Variants in WDR7 observed in about 807,000 individuals in gnomAD.
WDR7 encodes the protein WD repeat domain 7.
WDR7 carries 46 observed loss-of-function variants against 169.4 expected under a neutral mutation model. The observed-to-expected ratio is 0.27, with a 90% CI of 0.21 to 0.35. The LOEUF is 0.35. Among genes scored for constraint, WDR7 ranks in the 10% least tolerant of loss-of-function variants. The pLI is 1.00. For missense variants in WDR7, 1,534 were observed against 1,859.3 expected (o/e 0.83, Z 3.22); for synonymous variants, 612 against 666.8 (o/e 0.92, Z 1.27).
At chr18:57,032,633 A>G (rs1256978420), downstream of WDR7, 2 of 151,858 alleles carry the variant, frequency 1.3e-5, no homozygotes, top group Non-Finnish European at 2.9e-5. Context: ...CGTGAATCCT[A>G]TTGTGAACTG....
intron 20 of WDR7, among the ~76,000 whole-genome samples, chr18:56,865,256 T>G (rs1403405938): frequency 6.6e-6 from 1 of 152,040 alleles, no homozygotes; most frequent in African/African-American, 2.4e-5. Context: ...CTGAAAGGCA[T>G]TTAGCACTCA....
intron 9 of WDR7, among the ~76,000 whole-genome samples, chr18:56,692,905 CA>C (rs113840473): frequency 0.043 from 6,250 of 145,100 alleles, 444 homozygotes; most frequent in African/African-American, 0.15. Flanking sequence ...CCCATCTCTA[CA>C]AAAAAAAAAA....
At chr18:56,994,905 T>A (rs1250976477) in intron 26 of WDR7, among the ~76,000 whole-genome samples, 1 of 152,336 alleles carries the variant, frequency 6.6e-6, no homozygotes, top group Non-Finnish European at 1.5e-5. Context: ...TTCTAGTAAT[T>A]TATTAATTCT....
chr18:56,858,614 G>A (rs2045757134), intron 20 of WDR7, among the ~76,000 whole-genome samples: 1 of 152,064 alleles, frequency 6.6e-6, no homozygotes, highest in African/African-American at 2.4e-5. Flanking sequence ...CACCGTGCTG[G>A]CCTACTTCAC....
At chr18:56,818,707 A>T (rs759375615) in intron 20 of WDR7, among the ~76,000 whole-genome samples, 1 of 152,216 alleles carries the variant, frequency 6.6e-6, no homozygotes, top group African/African-American at 2.4e-5. Flanking sequence ...CTAGAATCCT[A>T]TATAAATTGC....
intron 19 of WDR7, among the ~76,000 whole-genome samples, chr18:56,803,878 T>C (rs867791348): frequency 6.6e-6 from 1 of 152,222 alleles, no homozygotes; most frequent in Non-Finnish European, 1.5e-5. Context: ...CATGGCTCAC[T>C]GCAGCCTTTA....
chr18:56,895,505 T>C (rs543418490), intron 21 of WDR7, among the ~76,000 whole-genome samples: 1 of 151,714 alleles, frequency 6.6e-6, no homozygotes, highest in Non-Finnish European at 1.5e-5. Flanking sequence ...TTACAGTGAA[T>C]AGATATTTGT....
intron 5 of WDR7, among the ~76,000 whole-genome samples, chr18:56,685,170 TAACTC>T (rs2025420456): frequency 6.6e-6 from 1 of 152,224 alleles, no homozygotes. Context: ...ATAACAGTAA[TAACTC>T]AACTTTATTG....
intron 26 of WDR7, among the ~76,000 whole-genome samples, chr18:57,012,465 C>A (rs993503049): frequency 6.6e-6 from 1 of 152,030 alleles, no homozygotes; most frequent in Admixed American, 6.5e-5. Context: ...TCTGCGAGGT[C>A]CCCTGAAATT....
intron 26 of WDR7, among the ~76,000 whole-genome samples, chr18:57,004,821 T>C (rs2048032943): frequency 6.6e-6 from 1 of 152,208 alleles, no homozygotes; most frequent in East Asian, 1.9e-4. Context: ...GAGCCCATTA[T>C]GACATTGAGT....
chr18:57,016,291 G>A (rs190282732), intron 26 of WDR7, among the ~76,000 whole-genome samples: 18 of 152,210 alleles, frequency 1.2e-4, no homozygotes, highest in African/African-American at 3.6e-4. Flanking sequence ...GTTACTAAAT[G>A]TTATACAAAA....
rs1174129412 is a variant in WDR7, at chr18:56,992,039, T to A, written c.4165-28706T>A. On this transcript the variant is annotated intron_variant, in intron 26 of 27. Transcript: ENST00000254442. ...GAGTCCTGCTCAGTGTAAAATAACC[T>A]CAAGCCCATGCTGTTTAATTTTATA... 2.0e-5 allele frequency among the ~76,000 whole-genome samples: 3 copies of A among 152,352 alleles called. No homozygotes were observed. In the East Asian group the frequency reaches 5.8e-4, roughly 29 times the overall value.
At chr18:56,898,831 C>T (rs528683359) in intron 21 of WDR7, among the ~76,000 whole-genome samples, 1 of 152,064 alleles carries the variant, frequency 6.6e-6, no homozygotes, top group Non-Finnish European at 1.5e-5. Flanking sequence ...GGTCTGTAGG[C>T]TAGTGAGTAG....
intron 22 of WDR7, among the ~76,000 whole-genome samples, chr18:56,934,440 T>A (rs935598118): frequency 2.0e-5 from 3 of 151,936 alleles, no homozygotes; most frequent in Non-Finnish European, 4.4e-5. Context: ...TGCCTTCTGC[T>A]TGTGCATTGT....
chr18:56,806,000 C>A (rs2044767525), intron 19 of WDR7, among the ~76,000 whole-genome samples: 1 of 152,164 alleles, frequency 6.6e-6, no homozygotes, highest in Non-Finnish European at 1.5e-5. Flanking sequence ...CACCTAGTGT[C>A]ATTTCTTTGT....
chr18:56,810,871 C>T (rs963064394), intron 19 of WDR7, among the ~76,000 whole-genome samples: 3 of 152,098 alleles, frequency 2.0e-5, no homozygotes, highest in Non-Finnish European at 2.9e-5. Flanking sequence ...ACAAGCATCT[C>T]CACAATCAAC....
intron 26 of WDR7, among the ~76,000 whole-genome samples, chr18:56,985,539 G>A (rs943524769): frequency 1.8e-4 from 28 of 152,116 alleles, no homozygotes; most frequent in African/African-American, 6.7e-4. Flanking sequence ...TGTCTTCCAA[G>A]ATACATTTTA....
chr18:56,916,478 T>A (rs191260762), intron 21 of WDR7, among the ~76,000 whole-genome samples: 1 of 152,202 alleles, frequency 6.6e-6, no homozygotes, highest in African/African-American at 2.4e-5. Flanking sequence ...TAGTATTCCA[T>A]GGTGTATATG....
chr18:56,931,186 T>C (rs566097380), intron 22 of WDR7, among the ~76,000 whole-genome samples: 2 of 152,240 alleles, frequency 1.3e-5, no homozygotes. Context: ...TAACGGGTGA[T>C]CCGCATAACA....
Sources: gnomAD v4.1 joint callset for allele counts (sites outside exome capture counted in the v4.1 genomes callset) on GRCh38, gnomAD v4.1.1 for gene constraint, MANE v1.5 for transcripts, NCBI Gene and HGNC (gene_info 2026-07-23, HGNC 2026-07-21) for gene names.